Variants in SGCZ observed in about 807,000 individuals in gnomAD.
SGCZ encodes sarcoglycan zeta.
In SGCZ, 40 loss-of-function variants were observed where a neutral mutation model predicts 41.3. The ratio of observed to expected loss-of-function variants is 0.97; its 90% CI spans 0.75 to 1.26. SGCZ has a LOEUF of 1.26. Among genes scored for constraint, SGCZ ranks in the 50% most tolerant of loss-of-function variants. The probability of loss-of-function intolerance (pLI) is 0.00; values close to 1 mark genes in which losing one functional copy is unlikely to be tolerated. For synonymous variants in SGCZ, 206 were observed against 137.5 expected (o/e 1.50, Z -3.49); for missense variants, 552 against 369.8 (o/e 1.49, Z -4.04).
chr8:14,685,347 G>A (rs1808578396), intron 1 of SGCZ, among the ~76,000 whole-genome samples: 1 of 152,070 alleles, frequency 6.6e-6, no homozygotes, highest in Non-Finnish European at 1.5e-5. Flanking sequence ...ATTAGAATTA[G>A]ACAAAGATAG....
intron 1 of SGCZ, among the ~76,000 whole-genome samples, chr8:14,582,770 G>C (rs1804934455): frequency 2.7e-5 from 4 of 147,332 alleles, no homozygotes; most frequent in Admixed American, 1.4e-4. Context: ...TTGGTTTTTT[G>C]TCCTTGCGAT....
chr8:14,207,917 G>A (rs1378054535), intron 4 of SGCZ, among the ~76,000 whole-genome samples: 1 of 152,116 alleles, frequency 6.6e-6, no homozygotes, highest in Non-Finnish European at 1.5e-5. Context: ...TGGTGGTTGT[G>A]ATGAGCATGG....
At position 14,542,974 on chromosome 8, in the gene SGCZ, G is replaced by T. The variant is rs542506532; in HGVS notation, c.234+11758C>A. Among the ~76,000 whole-genome samples, 75 of 151,954 alleles carry T rather than the reference G, an allele frequency of 4.9e-4. No individual in the cohort carries two copies. In the Middle Eastern group the frequency reaches 0.014, roughly 28 times the overall value. ...AAACTTCTTCAAATTCATTCAGCTA[G>T]AAAGGGGGAAAACCAGTGATTGTAA... On this transcript the variant is annotated intron_variant, in intron 2 of 7. Transcript: ENST00000382080.
At chr8:14,501,609 AG>A (rs1328165076) in intron 2 of SGCZ, among the ~76,000 whole-genome samples, 2 of 115,502 alleles carry the variant, frequency 1.7e-5, no homozygotes, top group African/African-American at 5.9e-5. Flanking sequence ...TTAGTTATCC[AG>A]GTTTTTTTTT....
chr8:14,524,145 T>A (rs1010706503), intron 2 of SGCZ, among the ~76,000 whole-genome samples: 1 of 152,080 alleles, frequency 6.6e-6, no homozygotes, highest in Non-Finnish European at 1.5e-5. Flanking sequence ...ACATGAGTGA[T>A]TTTGTACTAA....
intron 1 of SGCZ, among the ~76,000 whole-genome samples, chr8:14,622,522 A>G (rs193072229): frequency 6.6e-6 from 1 of 152,332 alleles, no homozygotes; most frequent in East Asian, 1.9e-4. Context: ...AACAAGAACT[A>G]GATGTCACCT....
At chr8:14,609,045 G>T (rs1805845032) in intron 1 of SGCZ, among the ~76,000 whole-genome samples, 1 of 152,060 alleles carries the variant, frequency 6.6e-6, no homozygotes. Flanking sequence ...GTGTTTTGCA[G>T]AAAAAAGCAA....
chr8:14,180,897 G>A (rs1804700694), intron 4 of SGCZ, among the ~76,000 whole-genome samples: 1 of 151,686 alleles, frequency 6.6e-6, no homozygotes. Context: ...AGTGGGGAGT[G>A]CCATGAAGAC....
At chr8:14,357,770 G>C (rs1296084827) in intron 2 of SGCZ, among the ~76,000 whole-genome samples, 1 of 152,110 alleles carries the variant, frequency 6.6e-6, no homozygotes, top group Non-Finnish European at 1.5e-5. Flanking sequence ...AGAAAATTGA[G>C]GCTAAGGGAA....
At chr8:15,004,387 G>A (rs1163646818) in intron 1 of SGCZ, among the ~76,000 whole-genome samples, 1 of 152,130 alleles carries the variant, frequency 6.6e-6, no homozygotes, top group Non-Finnish European at 1.5e-5. Flanking sequence ...ACTAGGTGGG[G>A]AAAAGGCAGG....
chr8:15,118,229 T>C lies in SGCZ; in HGVS notation c.39+119356A>G, dbSNP rs1172213779. On this transcript the variant is annotated intron_variant, in intron 1 of 7. Transcript: ENST00000382080. Reference sequence around the variant, plus strand: ...ATTTAATATTCAATAAAAATCATTATTCTTTCTTGGAGATTTCCTATATTT... The same window carrying C: ...ATTTAATATTCAATAAAAATCATTACTCTTTCTTGGAGATTTCCTATATTT... 2.0e-5 allele frequency among the ~76,000 whole-genome samples: 3 copies of C among 152,374 alleles called. No individual in the cohort carries two copies. The East Asian group carries it at 5.8e-4, about 29-fold the overall frequency.
chr8:14,265,743 A>T (rs1799845805), intron 3 of SGCZ, among the ~76,000 whole-genome samples: 1 of 151,846 alleles, frequency 6.6e-6, no homozygotes, highest in East Asian at 1.9e-4. Flanking sequence ...TCAGCAATTT[A>T]TTTAAAAAGA....
At chr8:14,409,391 A>G (rs1211309098) in intron 2 of SGCZ, among the ~76,000 whole-genome samples, 2 of 152,094 alleles carry the variant, frequency 1.3e-5, no homozygotes, top group African/African-American at 4.8e-5. Context: ...GTAAATATTG[A>G]TCGTATCATT....
At chr8:14,609,877 T>A (rs1368850906) in intron 1 of SGCZ, among the ~76,000 whole-genome samples, 1 of 152,216 alleles carries the variant, frequency 6.6e-6, no homozygotes, top group Non-Finnish European at 1.5e-5. Flanking sequence ...GACCTTCTTA[T>A]TCTTTTACAA....
At chr8:15,202,592 C>T (rs1800923621) in intron 1 of SGCZ, among the ~76,000 whole-genome samples, 1 of 152,112 alleles carries the variant, frequency 6.6e-6, no homozygotes, top group African/African-American at 2.4e-5. Context: ...TCAGAAATCA[C>T]CACCAAAGAA....
chr8:14,778,499 A>G (rs973632171), intron 1 of SGCZ, among the ~76,000 whole-genome samples: 2 of 151,498 alleles, frequency 1.3e-5, no homozygotes, highest in African/African-American at 4.9e-5. Flanking sequence ...TACTGCATTA[A>G]TTTCTGTTCA....
At position 14,674,928 on chromosome 8, in the gene SGCZ, G is replaced by GCTTTTTTTTTTTTTTTTTTTTTTTT. The variant is rs1554478141; in HGVS notation, c.40-120003_40-120002insAAAAAAAAAAAAAAAAAAAAAAAAG. Reference sequence around the variant, plus strand: ...GCCAATTTAACCTCTTTTCTTTTCTGTTTTTTTTTTTTTTTTTTTTTTTTT... The same window carrying GCTTTTTTTTTTTTTTTTTTTTTTTT: ...GCCAATTTAACCTCTTTTCTTTTCTGCTTTTTTTTTTTTTTTTTTTTTTTTTTTTTTTTTTTTTTTTTTTTTTTTT... On this transcript the variant is annotated intron_variant, in intron 1 of 7. Transcript: ENST00000382080. 6.9e-4 allele frequency among the ~76,000 whole-genome samples: 49 copies of GCTTTTTTTTTTTTTTTTTTTTTTTT among 71,006 alleles called. 18 individuals are homozygous for GCTTTTTTTTTTTTTTTTTTTTTTTT. Among genetic ancestry groups the GCTTTTTTTTTTTTTTTTTTTTTTTT allele is most frequent in the African/African-American group, 2.2e-3 (44 of 19,692 alleles). 46.6% of individuals were successfully genotyped at this position (71,006 alleles called of 152,430 possible).
Position 14,464,196 on chromosome 8 carries a change from G to A in SGCZ, c.234+90536C>T, listed in dbSNP as rs527357369. Among the ~76,000 whole-genome samples the A allele has an allele frequency of 3.4e-4, 51 of 151,668 alleles. 1 individual carries two copies. Among genetic ancestry groups the A allele is most frequent in the African/African-American group, 1.2e-3 (48 of 41,474 alleles). On this transcript the variant is annotated intron_variant, in intron 2 of 7. Transcript: ENST00000382080. ...TAAAGTTTGAGAAGAATTGATGTTA[G>A]TTATTCTTTAAATTTTGGGTAGAAT...
intron 1 of SGCZ, among the ~76,000 whole-genome samples, chr8:14,652,403 A>G (rs56198876): frequency 0.31 from 45,771 of 147,046 alleles, 7,624 homozygotes; most frequent in African/African-American, 0.39. Flanking sequence ...TCATAATAAT[A>G]ATATTTGAAC....
Sources: gnomAD v4.1 joint callset for allele counts (sites outside exome capture counted in the v4.1 genomes callset) on GRCh38, gnomAD v4.1.1 for gene constraint, MANE v1.5 for transcripts, NCBI Gene and HGNC (gene_info 2026-07-23, HGNC 2026-07-21) for gene names.